The following RNF38 variants were observed in gnomAD, a reference collection of about 807,000 sequenced individuals.
RNF38 encodes the protein ring finger protein 38.
Under a neutral mutation model 67.2 loss-of-function variants are expected in RNF38, and 15 were observed. The observed-to-expected ratio is 0.22, with a 90% CI of 0.15 to 0.34. The LOEUF (loss-of-function observed/expected upper bound fraction) is 0.34, where lower values mean the gene tolerates loss of function less well. Among genes scored for constraint, RNF38 ranks in the 10% least tolerant of loss-of-function variants. The pLI, the probability that RNF38 is intolerant of heterozygous loss-of-function variation, is 1.00. For missense variants in RNF38, 524 were observed against 639.9 expected, an observed-to-expected ratio of 0.82 and a Z score of 1.95; for synonymous variants, 220 against 218.8, an observed-to-expected ratio of 1.01 and a Z score of -0.05.
intron 2 of RNF38, among the ~76,000 whole-genome samples, chr9:36,386,242 G>C (rs534511539): frequency 1.9e-4 from 29 of 152,126 alleles, no homozygotes; most frequent in Admixed American, 3.9e-4. Context: ...ATCTCTTATG[G>C]CATATTTCTC....
chr9:36,482,605 G>C (rs1009221345), intron 1 of RNF38, among the ~76,000 whole-genome samples: 1 of 152,068 alleles, frequency 6.6e-6, no homozygotes, highest in East Asian at 1.9e-4. Context: ...CACCCACCTC[G>C]GCCTCCCAAA....
chr9:36,377,579 T>G (rs1311244118), intron 2 of RNF38, among the ~76,000 whole-genome samples: 1 of 152,190 alleles, frequency 6.6e-6, no homozygotes, highest in Non-Finnish European at 1.5e-5. Context: ...GTTCTAACTT[T>G]CCTACCACCA....
At chr9:36,374,725 G>A (rs1473492483) in intron 3 of RNF38, among the ~76,000 whole-genome samples, 9 of 152,092 alleles carry the variant, frequency 5.9e-5, no homozygotes, top group African/African-American at 1.4e-4. Flanking sequence ...CTCGTGATCC[G>A]CCAACCTTGG....
At chr9:36,443,343 G>A (rs1369843660) in intron 1 of RNF38, among the ~76,000 whole-genome samples, 2 of 152,120 alleles carry the variant, frequency 1.3e-5, no homozygotes, top group Admixed American at 6.6e-5. Context: ...ACAGCAAAAA[G>A]GGGTTATAGG....
In RNF38 at chr9:36,337,475, ATT is replaced by A. The variant is rs1832536741; in HGVS notation, c.*2275_*2276del. ...GAAGAAAAAGCTGCTACTCCTAGTC[ATT>A]AGTACAATGTGCTGTGTTAATTAGA... On this transcript the variant is annotated 3_prime_UTR_variant, in exon 12 of 12. Transcript: ENST00000259605. The A allele has an allele frequency of 6.5e-6, 1 of 152,724 alleles. No individual in the cohort carries two copies. The highest frequency in any genetic ancestry group is 1.5e-5 in the Non-Finnish European group (1 of 68,050). The allele number at this position is 152,724 out of a possible 1,614,324, so 9.5% of individuals were successfully genotyped here. A position where few individuals can be genotyped will look rare whatever the true frequency, so the allele number is the denominator to read the frequency against.
chr9:36,441,312 T>C (rs1025935199), intron 1 of RNF38, among the ~76,000 whole-genome samples: 7 of 151,692 alleles, frequency 4.6e-5, no homozygotes, highest in Non-Finnish European at 8.8e-5. Flanking sequence ...TCATCTGTTC[T>C]GGGTTACTAA....
At chr9:36,457,213 A>G (rs1226000682) in intron 1 of RNF38, among the ~76,000 whole-genome samples, 2 of 152,254 alleles carry the variant, frequency 1.3e-5, no homozygotes, top group African/African-American at 4.8e-5. Context: ...CTTTCTTACC[A>G]AACACGAAGG....
At chr9:36,341,433 T>C (rs149818660) in intron 11 of RNF38, among the ~76,000 whole-genome samples, 2 of 152,262 alleles carry the variant, frequency 1.3e-5, no homozygotes, top group Admixed American at 6.5e-5. Context: ...ATTTAAAAAA[T>C]AACATAAATT....
At chr9:36,411,454 A>ATACT (rs1258223692) in intron 2 of RNF38, among the ~76,000 whole-genome samples, 1 of 152,240 alleles carries the variant, frequency 6.6e-6, no homozygotes, top group Non-Finnish European at 1.5e-5. Flanking sequence ...GGTTGAAGAG[A>ATACT]TACTTGTCCA....
At chr9:36,386,127 A>G (rs942819075) in intron 2 of RNF38, among the ~76,000 whole-genome samples, 1 of 152,218 alleles carries the variant, frequency 6.6e-6, no homozygotes, top group African/African-American at 2.4e-5. Context: ...GGGCCTAACT[A>G]CGATGATTTA....
chr9:36,487,424 G>T (rs958121313), exon 1 of RNF38: 3 of 980,830 alleles, frequency 3.1e-6, no homozygotes, highest in Non-Finnish European at 2.4e-6. Flanking sequence ...CGGCGGCGGT[G>T]GGGGGCGCGG....
intron 1 of RNF38, among the ~76,000 whole-genome samples, chr9:36,442,143 G>C (rs1452820734): frequency 6.6e-6 from 1 of 152,052 alleles, no homozygotes; most frequent in African/African-American, 2.4e-5. Flanking sequence ...ACCAACTCTT[G>C]CCAAAGCCTT....
intron 2 of RNF38, among the ~76,000 whole-genome samples, chr9:36,418,745 C>T (rs1292945497): frequency 6.6e-6 from 1 of 151,990 alleles, no homozygotes; most frequent in East Asian, 1.9e-4. Context: ...GAGATGGTGC[C>T]ACTGCACTCC....
intron 2 of RNF38, among the ~76,000 whole-genome samples, chr9:36,377,156 A>G (rs967570153): frequency 6.6e-6 from 1 of 152,146 alleles, no homozygotes; most frequent in Non-Finnish European, 1.5e-5. Flanking sequence ...AATTTCCCAA[A>G]TCAGTCTACC....
chr9:36,369,614 TA>T lies in RNF38; in HGVS notation c.570+104del, dbSNP rs531382644. On this transcript the variant is annotated intron_variant, in intron 4 of 11. Transcript: ENST00000259605. ...ATGAGGAACTTAAATAACTTCATTTTAGGTAAAAACTAAAAGAAATTTGCAA... is the reference window on the plus strand; with the variant it reads ...ATGAGGAACTTAAATAACTTCATTTTGGTAAAAACTAAAAGAAATTTGCAA... 6.7e-4 allele frequency: 566 copies of T among 838,930 alleles called. 8 individuals carry two copies. The South Asian group carries it at 9.6e-3, about 14-fold the overall frequency. 52.0% of individuals were successfully genotyped at this position (838,930 alleles called of 1,614,324 possible).
At chr9:36,419,966 C>G (rs1254864675) in intron 2 of RNF38, among the ~76,000 whole-genome samples, 2 of 152,060 alleles carry the variant, frequency 1.3e-5, no homozygotes, top group African/African-American at 2.4e-5. Context: ...AGGACTGGTG[C>G]CAATGGTTCA....
chr9:36,412,197 C>T (rs1054586273), intron 2 of RNF38, among the ~76,000 whole-genome samples: 7 of 152,234 alleles, frequency 4.6e-5, no homozygotes, highest in African/African-American at 1.7e-4. Flanking sequence ...CCAAGCTCAT[C>T]TCATACCATT....
intron 4 of RNF38, among the ~76,000 whole-genome samples, chr9:36,366,577 T>TAATC (rs970842872): frequency 1.3e-5 from 2 of 152,260 alleles, no homozygotes; most frequent in African/African-American, 4.8e-5. Context: ...TCTATCAGTA[T>TAATC]AATCAGTTTG....
intron 1 of RNF38, among the ~76,000 whole-genome samples, chr9:36,465,284 G>A (rs954428767): frequency 7.9e-5 from 12 of 152,210 alleles, no homozygotes; most frequent in Admixed American, 1.3e-4. Context: ...GTTTACACAA[G>A]AGAAATAAAA....
Sources: allele counts gnomAD v4.1 joint callset (sites outside exome capture counted in the v4.1 genomes callset), GRCh38; gene constraint gnomAD v4.1.1; transcripts MANE v1.5; gene names NCBI Gene and HGNC (gene_info 2026-07-23, HGNC 2026-07-21).